The following ENKUR variants were observed in gnomAD, a reference collection of about 807,000 sequenced individuals.
ENKUR encodes enkurin, TRPC channel interacting protein, also known as enkurin.
A neutral mutation model predicts 27.6 loss-of-function variants in ENKUR; 19 were observed. The ratio of observed to expected loss-of-function variants is 0.69; its 90% CI spans 0.48 to 1.01. ENKUR has a LOEUF of 1.01. Among genes scored for constraint, ENKUR ranks in the 50% least tolerant of loss-of-function variants. ENKUR has a pLI of 0.00. For synonymous variants in ENKUR, 117 were observed against 96.9 expected (o/e 1.21, Z -1.22); for missense variants, 312 against 310.5 (o/e 1.00, Z -0.04).
chr10:25,009,445 A>G (rs1279872889), intron 1 of ENKUR, among the ~76,000 whole-genome samples: 1 of 152,224 alleles, frequency 6.6e-6, no homozygotes, highest in Non-Finnish European at 1.5e-5. Context: ...TTAGGGAAAT[A>G]TTTTAGACAT....
In ENKUR at chr10:24,983,836, A is replaced by G. The variant is rs1444715708; in HGVS notation, c.*534T>C. ...AATTTTTCTAATTTAAAATTTCATA[A>G]AATAACCTTTTCCTTTTAGATATTT... On this transcript the variant is annotated 3_prime_UTR_variant, in exon 6 of 6. Coordinates refer to ENST00000331161, the MANE Select transcript of ENKUR (RefSeq NM_145010.4). 1 of 152,222 alleles carries G rather than the reference A, an allele frequency of 6.6e-6. No homozygotes were observed. The highest frequency in any genetic ancestry group is 2.4e-5 in the African/African-American group (1 of 41,460). The allele number at this position is 152,222 out of a possible 1,614,324, so 9.4% of individuals were successfully genotyped here. A position where few individuals can be genotyped will look rare whatever the true frequency, so the allele number is the denominator to read the frequency against.
chr10:24,995,912 A>G lies in ENKUR; in HGVS notation c.224-43T>C. On this transcript the variant is annotated intron_variant, in intron 2 of 5. Transcript: ENST00000331161. ...TCTTTGTTAATATTAAACTACAAAC[A>G]CTGCTACTCAGTGCTATTTATAATA... 3 of 1,477,346 alleles carry G rather than the reference A, an allele frequency of 2.0e-6. No homozygotes were observed. The South Asian group carries it at 3.9e-5, about 19-fold the overall frequency. The allele number at this position is 1,477,346 out of a possible 1,614,324, so 91.5% of individuals were successfully genotyped here.
At chr10:24,984,543 T>C in intron 5 of ENKUR, 167 bp from the exon 6 acceptor site, 1 of 1,084,138 alleles carries the variant, frequency 9.2e-7, no homozygotes, top group Non-Finnish European at 1.3e-6. Context: ...AACGTGACAC[T>C]AGTAAAAACA....
exon 2 of ENKUR, chr10:25,061,196 G>A (rs55694736): frequency 0.032 from 48,031 of 1,515,848 alleles, 910 homozygotes; most frequent in Non-Finnish European, 0.038. Context: ...TGTTGGACAC[G>A]TGTGGCCAGG....
intron 4 of ENKUR, among the ~76,000 whole-genome samples, chr10:24,985,470 T>C (rs1449469967): frequency 6.6e-6 from 1 of 152,184 alleles, no homozygotes; most frequent in Non-Finnish European, 1.5e-5. Flanking sequence ...AAAGAACCAA[T>C]TGCCCTCCAT....
intron 2 of ENKUR, among the ~76,000 whole-genome samples, chr10:25,027,382 A>AC (rs1850876063): frequency 7.0e-6 from 1 of 142,800 alleles, no homozygotes; most frequent in East Asian, 2.0e-4. Context: ...AAAAAAAAAA[A>AC]AAAAACTAGC....
rs571142883 is a variant in ENKUR at position 25,059,910 on chromosome 10, TA to T, written c.37+1201del. ...AGCTGGTATTGACATAAGGAGAGGC[TA>T]AAAAACCCTGGATGAATTGGAGTTG... On this transcript the variant is annotated intron_variant, in intron 2 of 5. Transcript: ENST00000615958. Among the ~76,000 whole-genome samples, 86 of 152,190 alleles carry T rather than the reference TA, an allele frequency of 5.7e-4. 1 individual carries two copies. Among genetic ancestry groups the T allele is most frequent in the Admixed American group, 4.6e-3 (70 of 15,298 alleles).
chr10:24,998,610 A>G (rs937430904), intron 2 of ENKUR, among the ~76,000 whole-genome samples: 1 of 151,516 alleles, frequency 6.6e-6, no homozygotes, highest in Non-Finnish European at 1.5e-5. Context: ...TCTTTTCTTT[A>G]TTGCCCTAAG....
At chr10:25,001,200 T>C (rs1436040744) in intron 1 of ENKUR, among the ~76,000 whole-genome samples, 1 of 152,046 alleles carries the variant, frequency 6.6e-6, no homozygotes, top group Admixed American at 6.5e-5. Context: ...CCATTCCTTC[T>C]CCATAAAGGA....
At chr10:24,985,004 G>T (rs1849751006) in intron 4 of ENKUR, 99 bp from the exon 5 acceptor site, 9 of 919,044 alleles carry the variant, frequency 9.8e-6, no homozygotes, top group Non-Finnish European at 1.5e-5. Context: ...ATAAGTAAAA[G>T]AAACTGACAA....
At chr10:25,024,711 T>G (rs1436081750) in intron 2 of ENKUR, 2 of 1,614,124 alleles carry the variant, frequency 1.2e-6, no homozygotes, top group African/African-American at 1.3e-5. Context: ...AAGGATTTAT[T>G]TCTTTTGGAA....
intron 2 of ENKUR, among the ~76,000 whole-genome samples, chr10:24,999,004 A>T (rs1850127413): frequency 1.3e-5 from 2 of 152,280 alleles, no homozygotes; most frequent in South Asian, 4.1e-4. Context: ...AACTGGTAGT[A>T]ATGGTTGTAA....
intron 3 of ENKUR, among the ~76,000 whole-genome samples, chr10:24,992,752 C>A (rs1356626692): frequency 1.3e-5 from 2 of 152,178 alleles, no homozygotes; most frequent in African/African-American, 4.8e-5. Context: ...TGTAACTTAA[C>A]CCATCCTGAC....
chr10:25,013,457 T>C (rs139730283), intron 1 of ENKUR, among the ~76,000 whole-genome samples: 2,406 of 152,316 alleles, frequency 0.016, 33 homozygotes, highest in South Asian at 0.039. Flanking sequence ...GGTATTTTAG[T>C]GTGAGCCAAT....
In ENKUR at chr10:24,988,360, ATATATATT is replaced by A. The variant is rs547147476; in HGVS notation, c.594+2095_594+2102del. ...TGTATATATATATTTATATATGTGT[ATATATATT>A]TATATATGTATATATGTGTATATAT... On this transcript the variant is annotated intron_variant, in intron 4 of 5. Transcript: ENST00000331161. 8.1e-3 allele frequency among the ~76,000 whole-genome samples: 1,183 copies of A among 145,252 alleles called. 14 individuals are homozygous for A. The highest frequency in any genetic ancestry group is 0.027 in the African/African-American group (1,100 of 40,010).
chr10:24,998,024 G>A (rs16925216), intron 2 of ENKUR, among the ~76,000 whole-genome samples: 10,375 of 152,118 alleles, frequency 0.068, 1,163 homozygotes, highest in African/African-American at 0.24. Flanking sequence ...CTGAAGTCAC[G>A]AATTAAGCAT....
chr10:24,985,137 T>C (rs571721502), intron 4 of ENKUR, among the ~76,000 whole-genome samples: 1 of 152,338 alleles, frequency 6.6e-6, no homozygotes, highest in South Asian at 2.1e-4. Context: ...ATTTGTTTGC[T>C]CTGCTTTTGT....
intron 2 of ENKUR, among the ~76,000 whole-genome samples, chr10:25,058,691 G>A (rs1851289309): frequency 6.6e-6 from 1 of 151,748 alleles, no homozygotes; most frequent in Non-Finnish European, 1.5e-5. Context: ...AGCACTTTGG[G>A]AGGCGTAGGC....
intron 2 of ENKUR, among the ~76,000 whole-genome samples, chr10:25,043,999 A>C (rs1851093857): frequency 6.6e-6 from 1 of 150,870 alleles, no homozygotes; most frequent in Non-Finnish European, 1.5e-5. Context: ...ATAGATTTAA[A>C]AACATATTTA....
Sources: gnomAD v4.1 joint callset for allele counts (sites outside exome capture counted in the v4.1 genomes callset) on GRCh38, gnomAD v4.1.1 for gene constraint, MANE v1.5 for transcripts, NCBI Gene and HGNC (gene_info 2026-07-23, HGNC 2026-07-21) for gene names.